The following HPS3 variants were observed in gnomAD, a reference collection of about 807,000 sequenced individuals.
HPS3 encodes the protein HPS3 biogenesis of lysosomal organelles complex 2 subunit 1.
A neutral mutation model predicts 110.9 loss-of-function variants in HPS3; 79 were observed. The observed-to-expected ratio is 0.71, with a 90% CI of 0.59 to 0.86. HPS3 has a LOEUF of 0.86. Ranked by LOEUF, HPS3 falls within the 40% of genes least tolerant of loss-of-function variation. HPS3 has a pLI of 0.00. For missense variants in HPS3, 1,197 were observed against 1,206.2 expected (o/e 0.99, Z 0.11); for synonymous variants, 428 against 451.0 (o/e 0.95, Z 0.65).
intron 4 of HPS3, 87 bp from the exon 5 acceptor site, chr3:149,145,267 A>C (rs748957888): frequency 3.0e-6 from 3 of 1,013,670 alleles, no homozygotes; most frequent in Non-Finnish European, 3.1e-6. Flanking sequence ...CCACTGATAC[A>C]GTTTGCATAG....
intron 9 of HPS3, 101 bp downstream of exon 9, chr3:149,157,632 G>C: frequency 9.3e-7 from 1 of 1,075,402 alleles, no homozygotes; most frequent in South Asian, 1.3e-5. Context: ...AAATGGGAAG[G>C]TGGTTCATTT....
At position 149,143,620 on chromosome 3, in the gene HPS3, C is replaced by T. The variant is rs367718947; in HGVS notation, c.971-1734C>T. ...AATGGATGGGTCATATGTATTTGAG[C>T]TGGGCCGTAATGGATGATAGAGATT... On this transcript the variant is annotated intron_variant, in intron 4 of 16. Transcript: ENST00000296051. Among the ~76,000 whole-genome samples, 5 of 152,126 alleles carry T rather than the reference C, an allele frequency of 3.3e-5. No individual in the cohort carries two copies. In the East Asian group the frequency reaches 5.8e-4, roughly 18 times the overall value.
intron 14 of HPS3, 129 bp from the exon 15 acceptor site, chr3:149,166,905 C>A (rs1304739160): frequency 6.7e-6 from 5 of 745,058 alleles, no homozygotes; most frequent in Non-Finnish European, 1.2e-5. Flanking sequence ...CGTGCATGTG[C>A]TCTAATATGG....
rs1424599347 is a variant in HPS3 at position 149,157,432 on chromosome 3, C to G, written c.1592C>G (p.Ala531Gly). The change falls in exon 9 of 17, where the codon GCT becomes GGT. Residue 531 changes from alanine (A) to glycine (G), a missense_variant. Coordinates refer to ENST00000296051, the MANE Select transcript of HPS3 (RefSeq NM_032383.5). The stretch of plus-strand genomic sequence containing the variant: ...AGTGAGGCTCATCTGTTAGTGCGAG[C>G]TGCCCTGATGGATGCCAGTCAGCTG... ...LLSEAHLLVRAALMDASQLEP... is the reference protein window; with the variant it reads ...LLSEAHLLVRGALMDASQLEP... 17 of 1,613,786 alleles carry G rather than the reference C, an allele frequency of 1.1e-5. No individual in the cohort carries two copies. Among genetic ancestry groups the G allele is most frequent in the Non-Finnish European group, 1.4e-5 (17 of 1,179,890 alleles).
chr3:149,134,899 A>C (rs1015824284), intron 1 of HPS3, among the ~76,000 whole-genome samples: 2 of 152,150 alleles, frequency 1.3e-5, no homozygotes, highest in Admixed American at 1.3e-4. Flanking sequence ...CTATTAATGC[A>C]CCCACAAATG....
intron 11 of HPS3, among the ~76,000 whole-genome samples, 192 bp from the exon 12 acceptor site, chr3:149,161,956 T>G (rs1188486297): frequency 2.0e-5 from 3 of 152,224 alleles, no homozygotes; most frequent in African/African-American, 7.2e-5. Flanking sequence ...AGTTAAATGT[T>G]AGTAACTTCT....
At chr3:149,140,628 T>G (rs1486279626) in intron 2 of HPS3, 130 bp downstream of exon 2, 88 of 1,020,944 alleles carry the variant, frequency 8.6e-5, no homozygotes, top group Non-Finnish European at 1.2e-4. Context: ...TCCTATTTCA[T>G]GGGATTTGGT....
At chr3:149,151,608 A>C (rs959551096) in intron 6 of HPS3, among the ~76,000 whole-genome samples, 1 of 147,236 alleles carries the variant, frequency 6.8e-6, no homozygotes, top group Non-Finnish European at 1.5e-5. Flanking sequence ...AAAAAAAAAA[A>C]AAAAAAAAGC....
intron 4 of HPS3, among the ~76,000 whole-genome samples, chr3:149,144,728 A>G (rs1400882934): frequency 6.6e-6 from 1 of 152,202 alleles, no homozygotes; most frequent in Non-Finnish European, 1.5e-5. Context: ...GCTGTTTAGT[A>G]TGGTAGCCAT....
intron 5 of HPS3, among the ~76,000 whole-genome samples, chr3:149,148,949 CTT>C (rs140573513): frequency 8.8e-5 from 9 of 102,484 alleles, no homozygotes; most frequent in East Asian, 6.0e-4. Context: ...GGAACCCTGC[CTT>C]TTTTTTTTTT....
At chr3:149,138,624 C>T (rs988709234) in intron 1 of HPS3, among the ~76,000 whole-genome samples, 1 of 152,098 alleles carries the variant, frequency 6.6e-6, no homozygotes, top group Non-Finnish European at 1.5e-5. Flanking sequence ...AAGTCAAAAT[C>T]AGAAAATAGA....
At chr3:149,151,582 G>A (rs1576679338) in intron 6 of HPS3, among the ~76,000 whole-genome samples, 1 of 75,650 alleles carries the variant, frequency 1.3e-5, no homozygotes, top group Non-Finnish European at 2.4e-5. Flanking sequence ...AAAGTGCTTG[G>A]TTTCTAAAAA....
At position 149,129,874 on chromosome 3, in the gene HPS3, CT is replaced by C; in HGVS notation, c.152del (p.Leu51ArgfsTer27). The C allele has an allele frequency of 1.3e-6, 2 of 1,594,458 alleles. No individual in the cohort carries two copies. The highest frequency in any genetic ancestry group is 1.7e-6 in the Non-Finnish European group (2 of 1,175,612). ...GGCGTTCGCGGTGGCCGGCCAGGAG[CT>C]GTGCCAGCCGCGGTGCGCCTTCTCC... ...VEAFAVAGQE[L>X]CQPRCAFSTL... On this transcript the variant is annotated frameshift_variant, in exon 1 of 17. Transcript: ENST00000296051. LOFTEE classifies it high-confidence loss of function.
rs181938090 is a variant in HPS3 at position 149,149,239 on chromosome 3, A to G, written c.1164-1360A>G. Among the ~76,000 whole-genome samples, 514 of 151,174 alleles carry G rather than the reference A, an allele frequency of 3.4e-3. 2 individuals are homozygous for G. The highest frequency in any genetic ancestry group is 0.012 in the African/African-American group (499 of 41,128). On this transcript the variant is annotated intron_variant, in intron 5 of 16. Transcript: ENST00000296051. ...CGGCCTCCCAAAATGCTGGGATTAC[A>G]GGCTTGAGCCACCACGCCTGGCCGA... is the stretch of plus-strand genomic sequence containing the variant.
At chr3:149,150,548 A>G in intron 5 of HPS3, 51 bp from the exon 6 acceptor site, 1 of 1,411,848 alleles carries the variant, frequency 7.1e-7, no homozygotes, top group Non-Finnish European at 1.0e-6. Context: ...TGCTGTGGGT[A>G]TGTTGGTTCT....
At chr3:149,170,335 C>G (rs1411242767) in intron 16 of HPS3, 1 of 152,154 alleles carries the variant, frequency 6.6e-6, no homozygotes, top group African/African-American at 2.4e-5. Flanking sequence ...TTACAGGCTC[C>G]ACATTTAGGT....
intron 14 of HPS3, among the ~76,000 whole-genome samples, chr3:149,166,436 G>T (rs1301423451): frequency 1.3e-5 from 2 of 152,126 alleles, no homozygotes; most frequent in East Asian, 3.8e-4. Flanking sequence ...ATGCTCTTCC[G>T]ACAGTATTTC....
intron 6 of HPS3, 68 bp from the exon 7 acceptor site, chr3:149,153,426 C>T: frequency 7.5e-7 from 1 of 1,331,078 alleles, no homozygotes; most frequent in South Asian, 1.2e-5. Flanking sequence ...AATAAACTGA[C>T]TGATTTTTGA....
intron 15 of HPS3, 116 bp downstream of exon 15, chr3:149,167,356 T>G (rs1337702850): frequency 2.9e-5 from 23 of 793,432 alleles, no homozygotes; most frequent in Non-Finnish European, 4.9e-5. Context: ...CATAAGGCTG[T>G]GTGGGTCCAT....
Sources: allele counts gnomAD v4.1 joint callset (sites outside exome capture counted in the v4.1 genomes callset), GRCh38; gene constraint gnomAD v4.1.1; transcripts MANE v1.5; gene names NCBI Gene and HGNC (gene_info 2026-07-23, HGNC 2026-07-21).